PRDM16: variants seen among roughly 807,000 people sequenced by gnomAD.
The protein encoded by PRDM16 is histone-lysine N-methyltransferase PRDM16.
PRDM16 carries 23 observed loss-of-function variants against 110.6 expected under a neutral mutation model. The observed-to-expected ratio is 0.21, with a 90% CI of 0.15 to 0.29. PRDM16 has a LOEUF of 0.29. PRDM16 is among the 10% of genes least tolerant of loss of function. The pLI is 1.00. For missense variants in PRDM16, 1,615 were observed against 1,794.3 expected (o/e 0.90, Z 1.81); for synonymous variants, 799 against 781.8 (o/e 1.02, Z -0.37).
At chr1:3,092,594 C>A (rs116693383) in intron 1 of PRDM16, among the ~76,000 whole-genome samples, 1 of 152,236 alleles carries the variant, frequency 6.6e-6, no homozygotes, top group South Asian at 2.1e-4. Context: ...GTGGGAGGCA[C>A]ACACTGCATC....
At chr1:3,126,902 G>A (rs1643220570) in intron 1 of PRDM16, among the ~76,000 whole-genome samples, 1 of 152,214 alleles carries the variant, frequency 6.6e-6, no homozygotes, top group Admixed American at 6.5e-5. Flanking sequence ...GTCTGTTCCG[G>A]CAAACTTTAG....
intron 3 of PRDM16, among the ~76,000 whole-genome samples, chr1:3,314,719 A>G (rs1421877909): frequency 2.0e-5 from 3 of 151,038 alleles, no homozygotes; most frequent in Non-Finnish European, 4.4e-5. Flanking sequence ...CCTCCTCCTC[A>G]TCTCCTGAGC....
At chr1:3,371,302 T>A (rs1642903321) in intron 3 of PRDM16, among the ~76,000 whole-genome samples, 1 of 146,080 alleles carries the variant, frequency 6.8e-6, no homozygotes, top group African/African-American at 2.5e-5. Context: ...CATCCACCCA[T>A]CCATCCATGC....
intron 3 of PRDM16, among the ~76,000 whole-genome samples, chr1:3,312,070 G>A (rs1015045600): frequency 1.3e-5 from 2 of 152,176 alleles, no homozygotes; most frequent in African/African-American, 2.4e-5. Context: ...GGTTCACATC[G>A]CAGCCCGGCT....
chr1:3,391,971 G>A (rs749535597), intron 4 of PRDM16, among the ~76,000 whole-genome samples: 4 of 152,222 alleles, frequency 2.6e-5, no homozygotes, highest in South Asian at 2.1e-4. Context: ...CTCGGGGCTC[G>A]GGGATCATCA....
At chr1:3,187,198 G>T (rs1390100629) in intron 2 of PRDM16, among the ~76,000 whole-genome samples, 1 of 152,152 alleles carries the variant, frequency 6.6e-6, no homozygotes, top group Non-Finnish European at 1.5e-5. Context: ...AGTGGTCCTA[G>T]GGGGACTAAC....
At chr1:3,121,506 T>C (rs1013243823) in intron 1 of PRDM16, among the ~76,000 whole-genome samples, 2 of 152,116 alleles carry the variant, frequency 1.3e-5, no homozygotes, top group Admixed American at 6.5e-5. Flanking sequence ...GAGCAAACCG[T>C]TTCTGTGGAG....
intron 1 of PRDM16, among the ~76,000 whole-genome samples, chr1:3,172,456 G>C (rs2100762378): frequency 6.6e-6 from 1 of 152,318 alleles, no homozygotes; most frequent in South Asian, 2.1e-4. Flanking sequence ...TTGATGCTAA[G>C]AGCACGCCGT....
intron 4 of PRDM16, chr1:3,386,722 G>C (rs1371186046): frequency 1.3e-5 from 2 of 152,218 alleles, no homozygotes; most frequent in African/African-American, 4.8e-5. Flanking sequence ...GAGGCGCATA[G>C]AAGGACGGTC....
intron 2 of PRDM16, among the ~76,000 whole-genome samples, chr1:3,227,006 T>A (rs1242221425): frequency 6.6e-6 from 1 of 152,272 alleles, no homozygotes; most frequent in Non-Finnish European, 1.5e-5. Flanking sequence ...ATAGGCAATG[T>A]GGTATGAAAG....
intron 3 of PRDM16, among the ~76,000 whole-genome samples, chr1:3,371,947 G>A (rs1244071243): frequency 6.6e-6 from 1 of 152,242 alleles, no homozygotes; most frequent in African/African-American, 2.4e-5. Flanking sequence ...GCACCTGTGG[G>A]CCTCAGCTCT....
chr1:3,258,845 G>A (rs1640103901), intron 3 of PRDM16, among the ~76,000 whole-genome samples: 1 of 152,252 alleles, frequency 6.6e-6, no homozygotes, highest in African/African-American at 2.4e-5. Flanking sequence ...AGCCAGGCCA[G>A]GGCTTTCTTC....
At chr1:3,263,466 G>A (rs943674237) in intron 3 of PRDM16, among the ~76,000 whole-genome samples, 6 of 152,212 alleles carry the variant, frequency 3.9e-5, no homozygotes, top group Admixed American at 2.0e-4. Context: ...GTGGTCCCTG[G>A]GCATCTGTCC....
At position 3,319,288 on chromosome 1, in the gene PRDM16, T is replaced by G. The variant is rs569256519; in HGVS notation, c.439-65864T>G. ...GGGATCCTCCTCTCCCTTCTGAAGG[T>G]CAAGGGAGAGATTAGGAGCTGGCAC... On this transcript the variant is annotated intron_variant, in intron 3 of 16. Coordinates refer to ENST00000270722, the MANE Select transcript of PRDM16 (RefSeq NM_022114.4). 2.0e-5 allele frequency among the ~76,000 whole-genome samples: 3 copies of G among 152,140 alleles called. No homozygotes were observed. In the South Asian group the frequency reaches 6.2e-4, roughly 32 times the overall value.
chr1:3,142,155 G>C (rs993318229), intron 1 of PRDM16, among the ~76,000 whole-genome samples: 5 of 152,246 alleles, frequency 3.3e-5, no homozygotes, highest in African/African-American at 9.6e-5. Flanking sequence ...GCCATTTCCG[G>C]GGTCTGGTCT....
intron 1 of PRDM16, among the ~76,000 whole-genome samples, chr1:3,087,831 GT>G (rs1165174433): frequency 6.6e-6 from 1 of 151,760 alleles, no homozygotes; most frequent in African/African-American, 2.4e-5. Context: ...CAAGTCTCTG[GT>G]TATTGACAAA....
Position 3,425,836 on chromosome 1 carries a change from C to T in PRDM16, c.3109+86C>T, listed in dbSNP as rs561746248. ...GGAGGGGGAACAGCAGGGGAGTGGG[C>T]GCCGGGCAGGGAAGAGGGCCACAGA... On this transcript the variant is annotated intron_variant, in intron 13 of 16. Transcript: ENST00000270722. The surrounding 1 kb of genome is among the most constrained non-coding windows in gnomAD (Gnocchi z 6.9). 6.9e-5 allele frequency: 106 copies of T among 1,527,212 alleles called. 2 individuals are homozygous for T. The East Asian group carries it at 1.3e-3, about 19-fold the overall frequency. 94.6% of individuals were successfully genotyped at this position (1,527,212 alleles called of 1,614,324 possible).
chr1:3,385,324 G>T (rs1643177796), intron 4 of PRDM16, 38 bp downstream of exon 4: 5 of 1,608,604 alleles, frequency 3.1e-6, no homozygotes, highest in Non-Finnish European at 4.3e-6. Context: ...CTGCCTCTTG[G>T]AATTGTCCCT....
chr1:3,383,336 C>T (rs1557644378), intron 3 of PRDM16, among the ~76,000 whole-genome samples: 1 of 152,194 alleles, frequency 6.6e-6, no homozygotes, highest in Non-Finnish European at 1.5e-5. Flanking sequence ...GCCCTGCACC[C>T]CAATCTATCT....
Sources: allele counts gnomAD v4.1 joint callset (sites outside exome capture counted in the v4.1 genomes callset), GRCh38; gene constraint gnomAD v4.1.1; non-coding constraint Gnocchi (gnomAD v3.1); transcripts MANE v1.5; gene names NCBI Gene and HGNC (gene_info 2026-07-23, HGNC 2026-07-21).